Variants in PES1 observed in about 807,000 individuals in gnomAD.
PES1 encodes the protein pescadillo ribosomal biogenesis factor 1, also known as pescadillo homolog.
Under a neutral mutation model 77.1 loss-of-function variants are expected in PES1, and 31 were observed. The ratio of observed to expected loss-of-function variants is 0.40; its 90% confidence interval spans 0.30 to 0.54. The LOEUF (loss-of-function observed/expected upper bound fraction) is 0.54, where lower values mean the gene tolerates loss of function less well. Among genes scored for constraint, PES1 ranks in the 20% least tolerant of loss-of-function variants. The pLI, the probability that PES1 is intolerant of heterozygous loss-of-function variation, is 0.45. For synonymous variants in PES1, 282 were observed against 303.0 expected, an observed-to-expected ratio of 0.93 and a Z score of 0.72; for missense variants, 658 against 771.7, an observed-to-expected ratio of 0.85 and a Z score of 1.75.
chr22:30,601,648 T>G (rs952550989), intron 2 of PES1, among the ~76,000 whole-genome samples: 2 of 152,190 alleles, frequency 1.3e-5, no homozygotes, highest in Non-Finnish European at 2.9e-5. Flanking sequence ...ATGGCTCACT[T>G]AGTTTTATCA....
intron 2 of PES1, 136 bp from the exon 3 acceptor site, chr22:30,588,310 T>A: frequency 1.1e-6 from 1 of 928,772 alleles, no homozygotes; most frequent in African/African-American, 1.7e-5. Flanking sequence ...TCCTAGTACA[T>A]GAGTCTGACA....
At chr22:30,586,753 C>T (rs1360012400) in intron 4 of PES1, among the ~76,000 whole-genome samples, 1 of 152,094 alleles carries the variant, frequency 6.6e-6, no homozygotes, top group East Asian at 1.9e-4. Flanking sequence ...CACGTGAGGT[C>T]AGCCTGGCCA....
Position 30,589,327 on chromosome 22 carries a change from A to C in PES1, c.25-57T>G. The C allele has an allele frequency of 4.3e-6, 6 of 1,389,342 alleles. No homozygotes were observed. The South Asian group carries it at 7.3e-5, about 17-fold the overall frequency. 86.1% of individuals were successfully genotyped at this position (1,389,342 alleles called of 1,614,324 possible). A position where few individuals can be genotyped will look rare whatever the true frequency, so the allele number is the denominator to read the frequency against. On this transcript the variant is annotated intron_variant, in intron 1 of 14. Transcript: ENST00000354694. ...CAATGATTGTAGTGACTGACATCAA[A>C]CTCTGGGCATGCCTAGTTCCAGAGG...
At chr22:30,579,415 AG>A in intron 12 of PES1, 112 bp from the exon 13 acceptor site, 2 of 1,529,740 alleles carry the variant, frequency 1.3e-6, no homozygotes, top group Non-Finnish European at 1.8e-6. Flanking sequence ...AGCCATGGGC[AG>A]TTCAGGGATG....
chr22:30,579,743 C>G lies in PES1; in HGVS notation c.1354+8G>C. ...GGGTCAAGGCCAGCCCAGTCCCATC[C>G]CGCTCACCTGGGTCCTCTCCCCGCT... On this transcript the variant is annotated splice_region_variant and intron_variant, in intron 12 of 14. Coordinates refer to ENST00000354694, the MANE Select transcript of PES1 (RefSeq NM_014303.4). 1.2e-5 allele frequency: 19 copies of G among 1,613,312 alleles called. No homozygotes were observed. Among genetic ancestry groups the G allele is most frequent in the Non-Finnish European group, 1.6e-5 (19 of 1,179,778 alleles).
upstream of PES1, chr22:30,592,023 CT>C: frequency 2.2e-6 from 3 of 1,368,468 alleles, no homozygotes; most frequent in Non-Finnish European, 2.8e-6. Flanking sequence ...AAACTATAGT[CT>C]GAAAAAAATC....
At chr22:30,580,200 A>C (rs781619881) in intron 10 of PES1, 22 bp from the exon 11 acceptor site, 15 of 1,597,880 alleles carry the variant, frequency 9.4e-6, no homozygotes, top group Non-Finnish European at 1.2e-5. Context: ...GGGAGAGCCC[A>C]CACGGGTACA....
At chr22:30,589,137 A>C (rs944509270) in intron 2 of PES1, 54 bp downstream of exon 2, 19 of 1,342,080 alleles carry the variant, frequency 1.4e-5, no homozygotes, top group Non-Finnish European at 2.0e-5. Context: ...GATGCAGCTG[A>C]GTTTTCAATG....
chr22:30,604,635 A>T (rs2087409003), intron 2 of PES1, among the ~76,000 whole-genome samples: 1 of 31,614 alleles, frequency 3.2e-5, no homozygotes, highest in Non-Finnish European at 5.4e-5. Context: ...TCTCAAAAAA[A>T]ATAAATAAAT....
chr22:30,606,832 C>T (rs907748865), exon 1 of PES1: 21 of 1,004,992 alleles, frequency 2.1e-5, no homozygotes, highest in South Asian at 4.2e-5. Flanking sequence ...CTGCAGCTCC[C>T]GTTCCACTCC....
rs757042790 is a variant in PES1 at position 30,589,291 on chromosome 22, T to A, written c.25-21A>T. On this transcript the variant is annotated intron_variant, in intron 1 of 14. Coordinates refer to ENST00000354694, the MANE Select transcript of PES1 (RefSeq NM_014303.4). ...TCATACTGGGAGAGGAAAAAAACAA[T>A]TCTCCATTAGCAATGATTGTAGTGA... The A allele has an allele frequency of 8.2e-6, 13 of 1,593,248 alleles. No homozygotes were observed. In the African/African-American group the frequency reaches 1.1e-4, roughly 13 times the overall value.
intron 2 of PES1, among the ~76,000 whole-genome samples, chr22:30,599,884 G>A (rs2087326804): frequency 6.6e-6 from 1 of 152,006 alleles, no homozygotes; most frequent in Admixed American, 6.6e-5. Context: ...TGGGCAATAA[G>A]AGAAATTCCA....
chr22:30,587,431 C>T, intron 3 of PES1, 36 bp from the exon 4 acceptor site: 2 of 1,484,252 alleles, frequency 1.3e-6, no homozygotes, highest in Non-Finnish European at 1.9e-6. Context: ...AATGCTGAGG[C>T]TCAGGTCTCC....
intron 1 of PES1, 124 bp downstream of exon 1, chr22:30,591,686 T>C (rs549517573): frequency 1.8e-6 from 2 of 1,113,642 alleles, no homozygotes; most frequent in African/African-American, 1.6e-5. Context: ...TCGCAGCTGA[T>C]TACGGTCACG....
intron 8 of PES1, 58 bp downstream of exon 8, chr22:30,581,276 T>C (rs903427871): frequency 2.8e-5 from 44 of 1,553,822 alleles, no homozygotes; most frequent in Non-Finnish European, 3.8e-5. Context: ...CCCAGAGGTG[T>C]TGGGGACAGA....
chr22:30,585,526 C>G (rs2146470600), intron 4 of PES1, among the ~76,000 whole-genome samples: 1 of 152,218 alleles, frequency 6.6e-6, no homozygotes, highest in Non-Finnish European at 1.5e-5. Flanking sequence ...AGCGGACAGA[C>G]AGAGCTTCAA....
intron 9 of PES1, 140 bp from the exon 10 acceptor site, chr22:30,580,841 T>A: frequency 1.5e-6 from 2 of 1,330,954 alleles, no homozygotes; most frequent in Non-Finnish European, 2.1e-6. Flanking sequence ...GCCCCACTCC[T>A]GAGCTCTGTT....
rs747561879 is a variant in PES1 at position 30,601,293 on chromosome 22, C to G, written c.-661+4168G>C. On this transcript the variant is annotated intron_variant, in intron 2 of 16. Coordinates refer to the PES1 transcript ENST00000402281. ...CACATCCTCTTTATCTCTCTTAATG[C>G]TTTTTGCCAACGATTATTTGATCTA... Among the ~76,000 whole-genome samples the G allele has an allele frequency of 5.3e-5, 8 of 152,152 alleles. No homozygotes were observed. In the East Asian group the frequency reaches 7.7e-4, roughly 15 times the overall value.
At chr22:30,598,069 G>A (rs796859213) in intron 2 of PES1, among the ~76,000 whole-genome samples, 5 of 152,058 alleles carry the variant, frequency 3.3e-5, no homozygotes, top group African/African-American at 1.2e-4. Flanking sequence ...ATTTTTAGTA[G>A]AGACGGGGTT....
Sources: allele counts gnomAD v4.1 joint callset (sites outside exome capture counted in the v4.1 genomes callset), GRCh38; gene constraint gnomAD v4.1.1; transcripts MANE v1.5; gene names NCBI Gene and HGNC (gene_info 2026-07-23, HGNC 2026-07-21).